Variants in NAV2 observed in about 807,000 individuals in gnomAD.
NAV2 encodes neuron navigator 2, also known as helicase, APC down-regulated 1.
In NAV2, 54 loss-of-function variants were observed where a neutral mutation model predicts 223.2. That is an observed-to-expected ratio of 0.24 (90% confidence interval 0.19 to 0.30). The LOEUF is 0.30. NAV2 is among the 10% of genes least tolerant of loss of function. The pLI, the probability that NAV2 is intolerant of heterozygous loss-of-function variation, is 1.00. For synonymous variants in NAV2, 1,279 were observed against 1,239.3 expected, an observed-to-expected ratio of 1.03 and a Z score of -0.67; for missense variants, 2,806 against 3,147.5, an observed-to-expected ratio of 0.89 and a Z score of 2.60.
chr11:19,825,626 G>T (rs1190106523), intron 1 of NAV2, among the ~76,000 whole-genome samples: 1 of 152,164 alleles, frequency 6.6e-6, no homozygotes, highest in Non-Finnish European at 1.5e-5. Flanking sequence ...TTGTTTTGCA[G>T]AATTTTTCTT....
At chr11:19,629,170 C>A (rs772198542) in intron 1 of NAV2, among the ~76,000 whole-genome samples, 1 of 152,112 alleles carries the variant, frequency 6.6e-6, no homozygotes, top group Non-Finnish European at 1.5e-5. Context: ...CGTCACATCT[C>A]TCTCTCCCAC....
intron 10 of NAV2, among the ~76,000 whole-genome samples, chr11:19,972,986 C>A (rs1012915709): frequency 6.6e-6 from 1 of 152,184 alleles, no homozygotes; most frequent in East Asian, 1.9e-4. Context: ...TCTAGTTGTT[C>A]GCTGAGGTTG....
intron 1 of NAV2, among the ~76,000 whole-genome samples, chr11:19,675,896 C>T (rs920456334): frequency 6.6e-6 from 1 of 152,194 alleles, no homozygotes; most frequent in Admixed American, 6.5e-5. Context: ...TGAGTGCTTA[C>T]TCTGTACCAT....
At chr11:19,546,500 G>C (rs2044502828) in intron 1 of NAV2, among the ~76,000 whole-genome samples, 1 of 152,204 alleles carries the variant, frequency 6.6e-6, no homozygotes, top group African/African-American at 2.4e-5. Context: ...AGAATCCTCA[G>C]CTTTCCAAAG....
At chr11:19,359,807 A>G (rs1190565831) in intron 1 of NAV2, among the ~76,000 whole-genome samples, 1 of 152,212 alleles carries the variant, frequency 6.6e-6, no homozygotes, top group East Asian at 1.9e-4. Context: ...AGATGCTGCC[A>G]TGCGTGTCTC....
intron 1 of NAV2, among the ~76,000 whole-genome samples, chr11:19,600,379 T>G (rs1471905): frequency 1 from 152,041 of 152,366 alleles, 75,859 homozygotes; most frequent in Middle Eastern, 1. Flanking sequence ...ACATGACAGG[T>G]TGTCAACAGC....
chr11:19,950,239 T>C (rs1181629082), intron 10 of NAV2, among the ~76,000 whole-genome samples: 1 of 152,226 alleles, frequency 6.6e-6, no homozygotes, highest in Admixed American at 6.5e-5. Flanking sequence ...ACCCAATGGG[T>C]GAGCCAGTAT....
At chr11:19,643,681 G>T (rs368000395) in intron 1 of NAV2, among the ~76,000 whole-genome samples, 1 of 152,168 alleles carries the variant, frequency 6.6e-6, no homozygotes, top group Admixed American at 6.6e-5. Context: ...TATATACCCA[G>T]TAATGGGATG....
chr11:19,725,084 C>T (rs2051130287), intron 1 of NAV2, among the ~76,000 whole-genome samples: 1 of 152,232 alleles, frequency 6.6e-6, no homozygotes, highest in Non-Finnish European at 1.5e-5. Flanking sequence ...TTACTGAGCA[C>T]TTACTATGTG....
intron 11 of NAV2, among the ~76,000 whole-genome samples, chr11:20,013,442 A>T (rs1051778186): frequency 6.6e-6 from 1 of 150,552 alleles, no homozygotes. Flanking sequence ...CCGCTAGGCA[A>T]ATACCTAGAA....
At chr11:19,993,932 GTCCCTGTAC>G (rs1332914896) in intron 11 of NAV2, among the ~76,000 whole-genome samples, 1 of 152,172 alleles carries the variant, frequency 6.6e-6, no homozygotes, top group Non-Finnish European at 1.5e-5. Flanking sequence ...GTGGGATGTA[GTCCCTGTAC>G]TCAAGAAGCT....
intron 1 of NAV2, among the ~76,000 whole-genome samples, chr11:19,406,750 A>C (rs1393256668): frequency 6.6e-6 from 1 of 152,164 alleles, no homozygotes; most frequent in Non-Finnish European, 1.5e-5. Flanking sequence ...TATAGCCAAC[A>C]GGGTCTGCTT....
chr11:19,378,052 G>A (rs779580520), intron 1 of NAV2, among the ~76,000 whole-genome samples: 4 of 152,232 alleles, frequency 2.6e-5, no homozygotes, highest in Middle Eastern at 3.4e-3. Context: ...AGCTGTCTGG[G>A]GTCTGAACAA....
At chr11:19,465,583 G>A (rs1852322656) in intron 1 of NAV2, among the ~76,000 whole-genome samples, 1 of 152,184 alleles carries the variant, frequency 6.6e-6, no homozygotes, top group Admixed American at 6.5e-5. Context: ...AGGAACTCGA[G>A]AGAAAGTCCC....
At chr11:19,842,721 C>T in intron 2 of NAV2, 150 bp from the exon 3 acceptor site, 1 of 609,060 alleles carries the variant, frequency 1.6e-6, no homozygotes, top group Non-Finnish European at 2.9e-6. Context: ...CTGAAGCTTG[C>T]TAGATGTGTC....
At chr11:20,060,239 T>C (rs907901189) in intron 19 of NAV2, among the ~76,000 whole-genome samples, 5 of 152,264 alleles carry the variant, frequency 3.3e-5, no homozygotes, top group Non-Finnish European at 7.3e-5. Context: ...TGCTAGTCTC[T>C]GGCAGGCCAG....
chr11:19,751,614 T>C (rs1443803231), intron 1 of NAV2, among the ~76,000 whole-genome samples: 2 of 152,248 alleles, frequency 1.3e-5, no homozygotes, highest in Non-Finnish European at 2.9e-5. Context: ...GCTCCTTTAC[T>C]TCTTTAGTAT....
At chr11:19,739,619 G>A (rs2052620729) in intron 1 of NAV2, among the ~76,000 whole-genome samples, 1 of 152,108 alleles carries the variant, frequency 6.6e-6, no homozygotes, top group African/African-American at 2.4e-5. Flanking sequence ...TTTTAAAAAT[G>A]ATTTTAGAGA....
chr11:20,098,977 T>G (rs184208436), intron 31 of NAV2, among the ~76,000 whole-genome samples: 8 of 152,326 alleles, frequency 5.3e-5, no homozygotes. Context: ...TCTTCTAGCT[T>G]AGGAACCTGA....
Sources: allele counts gnomAD v4.1 joint callset (sites outside exome capture counted in the v4.1 genomes callset), GRCh38; gene constraint gnomAD v4.1.1; transcripts MANE v1.5; gene names NCBI Gene and HGNC (gene_info 2026-07-23, HGNC 2026-07-21).